The following LINGO1 variants were observed in gnomAD, a reference collection of about 807,000 sequenced individuals.
LINGO1 encodes the protein leucine-rich repeat and immunoglobulin-like domain-containing nogo receptor-interacting protein 1.
LINGO1 carries 11 observed loss-of-function variants against 37.3 expected under a neutral mutation model. The observed-to-expected ratio is 0.29, with a 90% confidence interval of 0.19 to 0.49. LINGO1 has a LOEUF of 0.49. LINGO1 is among the 20% of genes least tolerant of loss of function. The pLI is 0.99. For missense variants in LINGO1, 585 were observed against 878.2 expected, an observed-to-expected ratio of 0.67 and a Z score of 4.22; for synonymous variants, 387 against 403.0, an observed-to-expected ratio of 0.96 and a Z score of 0.48.
chr15:77,677,413 G>T (rs1292021596), intron 2 of LINGO1, among the ~76,000 whole-genome samples: 1 of 152,064 alleles, frequency 6.6e-6, no homozygotes, highest in Admixed American at 6.5e-5. Context: ...TCCCTGGCCT[G>T]GCATTCAAGG....
chr15:77,646,941 G>C (rs760855266), intron 3 of LINGO1, among the ~76,000 whole-genome samples: 13 of 152,216 alleles, frequency 8.5e-5, no homozygotes, highest in Non-Finnish European at 1.9e-4. Flanking sequence ...GGAAGGTTCT[G>C]TGAGTATCCC....
At chr15:77,807,776 T>C (rs1304142978) in intron 1 of LINGO1, among the ~76,000 whole-genome samples, 1 of 152,184 alleles carries the variant, frequency 6.6e-6, no homozygotes, top group East Asian at 1.9e-4. Flanking sequence ...TTAGAGTTTT[T>C]GGAGGGGACT....
intron 2 of LINGO1, among the ~76,000 whole-genome samples, chr15:77,709,268 C>A (rs1308584553): frequency 6.6e-6 from 1 of 152,268 alleles, no homozygotes; most frequent in Non-Finnish European, 1.5e-5. Flanking sequence ...AGCCTCCCAT[C>A]TCCAGAGGTG....
At chr15:77,699,365 CCAT>C (rs2075739065), upstream of LINGO1, among the ~76,000 whole-genome samples, 1 of 11,466 alleles carries the variant, frequency 8.7e-5, no homozygotes, top group Non-Finnish European at 1.9e-4. Flanking sequence ...TGCATACTAA[CCAT>C]CATCAGCACA....
In LINGO1 at chr15:77,713,249, T is replaced by TGC. The variant is rs1555533531; in HGVS notation, c.-195+21742_-195+21743insGC. ...GTGTGTGTGTGTGTGTGTGTGTGTG[T>TGC]GTGTGTGTTGTAGAGACAGGGTTTC... is the stretch of plus-strand genomic sequence containing the variant. On this transcript the variant is annotated intron_variant, in intron 2 of 3. Coordinates refer to the LINGO1 transcript ENST00000561686. Among the ~76,000 whole-genome samples, 560 of 136,882 alleles carry TGC rather than the reference T, an allele frequency of 4.1e-3. 4 individuals are homozygous for TGC. Among genetic ancestry groups the TGC allele is most frequent in the African/African-American group, 0.014 (535 of 38,520 alleles). The allele number at this position is 136,882 out of a possible 152,430, so 89.8% of individuals were successfully genotyped here.
chr15:77,774,990 G>A (rs1327423398), intron 1 of LINGO1, among the ~76,000 whole-genome samples: 1 of 152,170 alleles, frequency 6.6e-6, no homozygotes, highest in East Asian at 1.9e-4. Context: ...ACCTGGCTGG[G>A]ACTAGAACCC....
chr15:77,740,376 C>T (rs2076250887), intron 1 of LINGO1, among the ~76,000 whole-genome samples: 1 of 152,184 alleles, frequency 6.6e-6, no homozygotes, highest in African/African-American at 2.4e-5. Context: ...CATTCAAGGC[C>T]TTTCCTAGCC....
At chr15:77,681,467 G>C (rs1254868906) in intron 2 of LINGO1, among the ~76,000 whole-genome samples, 1 of 152,166 alleles carries the variant, frequency 6.6e-6, no homozygotes, top group African/African-American at 2.4e-5. Flanking sequence ...GGGAGGAAGG[G>C]GTTGTAGGTT....
upstream of LINGO1, among the ~76,000 whole-genome samples, chr15:77,634,613 C>T (rs554502434): frequency 1.3e-5 from 2 of 152,288 alleles, no homozygotes; most frequent in African/African-American, 2.4e-5. Flanking sequence ...AATGGACCAG[C>T]AGGGGGCAGG....
chr15:77,813,261 A>G (rs137857815), intron 1 of LINGO1, among the ~76,000 whole-genome samples: 1 of 152,296 alleles, frequency 6.6e-6, no homozygotes, highest in Non-Finnish European at 1.5e-5. Context: ...CATTTGGGCT[A>G]AGCCTTAAAA....
chr15:77,664,166 T>TGCGCGCGCGA (rs1225533245), intron 3 of LINGO1, among the ~76,000 whole-genome samples: 1 of 122,968 alleles, frequency 8.1e-6, no homozygotes. Context: ...TGTGTGTGTG[T>TGCGCGCGCGA]GTGTGCGCGC....
chr15:77,661,858 C>T (rs2075001127), intron 3 of LINGO1, among the ~76,000 whole-genome samples: 1 of 152,222 alleles, frequency 6.6e-6, no homozygotes, highest in Admixed American at 6.5e-5. Context: ...AAGGGCTGTG[C>T]TGACCCAGAG....
chr15:77,794,603 T>C (rs1425232848), intron 2 of LINGO1, among the ~76,000 whole-genome samples: 1 of 135,110 alleles, frequency 7.4e-6, no homozygotes, highest in Non-Finnish European at 1.6e-5. Flanking sequence ...TTTTTTTTTT[T>C]TTGAGACGGA....
At chr15:77,740,587 A>G (rs1305675030) in intron 1 of LINGO1, among the ~76,000 whole-genome samples, 1 of 152,088 alleles carries the variant, frequency 6.6e-6, no homozygotes, top group African/African-American at 2.4e-5. Flanking sequence ...CTCACAGCCA[A>G]GGGTGTGTGT....
intron 1 of LINGO1, among the ~76,000 whole-genome samples, chr15:77,805,885 A>G (rs1339986135): frequency 2.6e-5 from 4 of 152,156 alleles, no homozygotes; most frequent in Admixed American, 2.6e-4. Flanking sequence ...CCAGATGAGG[A>G]TCACACAGAC....
At chr15:77,621,577 G>A (rs1877297) in intron 1 of LINGO1, among the ~76,000 whole-genome samples, 5,394 of 152,264 alleles carry the variant, frequency 0.035, 329 homozygotes, top group African/African-American at 0.12. Context: ...CAGGCCAGGG[G>A]AGGGGCTGTC....
intron 2 of LINGO1, among the ~76,000 whole-genome samples, chr15:77,685,686 C>T (rs2075496422): frequency 8.0e-6 from 1 of 125,280 alleles, no homozygotes; most frequent in Non-Finnish European, 1.6e-5. Context: ...AGTGAGACCC[C>T]GTCTTAAAAA....
intron 2 of LINGO1, among the ~76,000 whole-genome samples, chr15:77,793,715 A>G (rs1166569447): frequency 6.6e-6 from 1 of 152,244 alleles, no homozygotes; most frequent in Non-Finnish European, 1.5e-5. Flanking sequence ...TAAAAATCAC[A>G]TTATAGAAGA....
intron 2 of LINGO1, among the ~76,000 whole-genome samples, chr15:77,687,728 G>A (rs75603412): frequency 1.0e-3 from 158 of 152,344 alleles, no homozygotes; most frequent in African/African-American, 3.7e-3. Flanking sequence ...ATTTGCCCAG[G>A]TGATCCAGTG....
Sources: allele counts gnomAD v4.1 joint callset (sites outside exome capture counted in the v4.1 genomes callset), GRCh38; gene constraint gnomAD v4.1.1; transcripts MANE v1.5; gene names NCBI Gene and HGNC (gene_info 2026-07-23, HGNC 2026-07-21).